The following SVIL variants were observed in gnomAD, a reference collection of about 807,000 sequenced individuals.
The protein encoded by SVIL is supervillin.
In SVIL, 101 loss-of-function variants were observed where a neutral mutation model predicts 240.4. That is an observed-to-expected ratio of 0.42 (90% confidence interval 0.36 to 0.50). The LOEUF is 0.50. Among genes scored for constraint, SVIL ranks in the 20% least tolerant of loss-of-function variants. The pLI is 0.01. For synonymous variants in SVIL, 999 were observed against 1,100.0 expected, an observed-to-expected ratio of 0.91 and a Z score of 1.82; for missense variants, 2,512 against 2,818.7, an observed-to-expected ratio of 0.89 and a Z score of 2.46.
chr10:29,542,886 C>T (rs1952292610), intron 6 of SVIL, among the ~76,000 whole-genome samples: 1 of 152,186 alleles, frequency 6.6e-6, no homozygotes, highest in South Asian at 2.1e-4. Context: ...TGTTTCTCCT[C>T]TTTTCCCTTC....
At chr10:29,616,110 T>C (rs538184167) in intron 1 of SVIL, among the ~76,000 whole-genome samples, 1 of 152,354 alleles carries the variant, frequency 6.6e-6, no homozygotes, top group South Asian at 2.1e-4. Context: ...AGAAATTGCA[T>C]TTCCTTTTTA....
chr10:29,514,798 G>C (rs1178357853), intron 16 of SVIL, among the ~76,000 whole-genome samples: 1 of 152,042 alleles, frequency 6.6e-6, no homozygotes, highest in African/African-American at 2.4e-5. Flanking sequence ...GATCTCTAAG[G>C]GTCCTTCTTC....
rs190210548 is a variant in SVIL at position 29,579,354 on chromosome 10, C to A, written c.-200-10042G>T. Among the ~76,000 whole-genome samples, 771 of 152,302 alleles carry A rather than the reference C, an allele frequency of 5.1e-3. 2 individuals carry two copies. The highest frequency in any genetic ancestry group is 0.018 in the African/African-American group (739 of 41,554). The stretch of plus-strand genomic sequence containing the variant: ...TCGGGAGGCTGAGACAGGAGAATGG[C>A]ATGAACCCCAGAGGTGGAGGTTGCA... On this transcript the variant is annotated intron_variant, in intron 1 of 37. Coordinates refer to ENST00000355867, the MANE Select transcript of SVIL (RefSeq NM_021738.3).
intron 2 of SVIL, among the ~76,000 whole-genome samples, chr10:29,677,205 G>T (rs941101745): frequency 2.0e-5 from 3 of 152,034 alleles, no homozygotes; most frequent in Non-Finnish European, 4.4e-5. Flanking sequence ...GACACCCTTT[G>T]CTGGGAACTC....
At chr10:29,584,316 A>G (rs1956071626) in intron 1 of SVIL, among the ~76,000 whole-genome samples, 1 of 152,194 alleles carries the variant, frequency 6.6e-6, no homozygotes, top group African/African-American at 2.4e-5. Flanking sequence ...TGGCAGCGGC[A>G]CCTGCATGGG....
chr10:29,562,769 G>GAAAAA (rs34507610), intron 3 of SVIL, among the ~76,000 whole-genome samples: 1 of 115,718 alleles, frequency 8.6e-6, no homozygotes, highest in Non-Finnish European at 1.7e-5. Flanking sequence ...TCAAAAAAAA[G>GAAAAA]AAAAAAAAAA....
intron 1 of SVIL, among the ~76,000 whole-genome samples, chr10:29,714,160 A>C (rs1337712566): frequency 6.6e-6 from 1 of 152,254 alleles, no homozygotes; most frequent in Non-Finnish European, 1.5e-5. Context: ...ACTGGAACCC[A>C]GGCAGCTTAG....
chr10:29,723,551 GAAT>G (rs754782729), intron 1 of SVIL, among the ~76,000 whole-genome samples: 10 of 151,948 alleles, frequency 6.6e-5, no homozygotes, highest in African/African-American at 9.7e-5. Flanking sequence ...ATGCTTCAGG[GAAT>G]AATAATAATT....
At chr10:29,576,342 G>C (rs945864388) in intron 1 of SVIL, among the ~76,000 whole-genome samples, 2 of 151,942 alleles carry the variant, frequency 1.3e-5, no homozygotes, top group African/African-American at 2.4e-5. Context: ...TGTTGACAAG[G>C]CTTGTGATTA....
intron 1 of SVIL, among the ~76,000 whole-genome samples, chr10:29,618,867 T>C (rs1262285715): frequency 1.3e-5 from 2 of 152,232 alleles, no homozygotes; most frequent in East Asian, 3.9e-4. Flanking sequence ...ACTACGGGCA[T>C]AGGCCACCGT....
chr10:29,533,004 T>A lies in SVIL; in HGVS notation c.1363A>T (p.Thr455Ser). 1 of 1,614,036 alleles carries A rather than the reference T, an allele frequency of 6.2e-7. No individual in the cohort carries two copies. Among genetic ancestry groups the A allele is most frequent in the Non-Finnish European group, 8.5e-7 (1 of 1,180,006 alleles). ...FTEALEQSKK[T>S]LLALEGDGLV... ...CCATCACCCTCCAAAGCCAGTAGGG[T>A]TTTCTTGCTTTGCTCGAGAGCTTCA... Residue 455 changes from threonine to serine, a missense_variant, in exon 8 of 38, where the codon ACC becomes TCC. Coordinates refer to ENST00000355867, the MANE Select transcript of SVIL (RefSeq NM_021738.3).
chr10:29,516,556 C>G (rs1950214944), intron 16 of SVIL, among the ~76,000 whole-genome samples: 1 of 152,214 alleles, frequency 6.6e-6, no homozygotes, highest in Admixed American at 6.5e-5. Flanking sequence ...GAGCCGACGT[C>G]TGGGCCTACG....
intron 36 of SVIL, among the ~76,000 whole-genome samples, chr10:29,461,176 T>C (rs989841252): frequency 6.6e-6 from 1 of 152,242 alleles, no homozygotes; most frequent in Non-Finnish European, 1.5e-5. Flanking sequence ...GGCTTTCTTC[T>C]GTGTAGTGAG....
chr10:29,518,129 T>C (rs1178024708), intron 16 of SVIL, among the ~76,000 whole-genome samples: 1 of 152,232 alleles, frequency 6.6e-6, no homozygotes, highest in Non-Finnish European at 1.5e-5. Flanking sequence ...TGATCACGTC[T>C]GCAATCCCAG....
At chr10:29,731,434 C>A (rs1319525629) in intron 1 of SVIL, among the ~76,000 whole-genome samples, 2 of 152,196 alleles carry the variant, frequency 1.3e-5, no homozygotes, top group East Asian at 1.9e-4. Flanking sequence ...ACAGAATGTT[C>A]TGAAAACACA....
chr10:29,676,739 TTTGAC>T (rs1960235454), intron 2 of SVIL, among the ~76,000 whole-genome samples: 2 of 152,332 alleles, frequency 1.3e-5, no homozygotes, highest in South Asian at 4.1e-4. Flanking sequence ...TTTTTCTGCT[TTTGAC>T]AACAGCCTTG....
chr10:29,499,133 C>G lies in SVIL; in HGVS notation c.3647G>C (p.Gly1216Ala). 6.2e-7 allele frequency: 1 copy of G among 1,605,554 alleles called. No homozygotes were observed. The highest frequency in any genetic ancestry group is 2.2e-5 in the East Asian group (1 of 44,868). ...ACACTGACCTTTCTTCACCATCCTGCCAGCCACAGTGAACTGGGTCGAGTC... is the reference window on the plus strand; with the variant it reads ...ACACTGACCTTTCTTCACCATCCTGGCAGCCACAGTGAACTGGGTCGAGTC... ...ANDSTQFTVA[G>A]RMVKKGLASP... The change falls in exon 18 of 38, where the codon GGC becomes GCC. Residue 1216 changes from glycine (G) to alanine (A), a missense_variant. Physicochemically the swap from Gly to Ala is moderately conservative, Grantham distance 60 (BLOSUM62 0). Coordinates refer to ENST00000355867, the MANE Select transcript of SVIL (RefSeq NM_021738.3).
intron 3 of SVIL, among the ~76,000 whole-genome samples, chr10:29,656,179 G>A (rs1050732062): frequency 3.5e-5 from 5 of 142,166 alleles, no homozygotes; most frequent in Non-Finnish European, 6.2e-5. Context: ...GAGTGTGAGT[G>A]TTTTTTTTTT....
chr10:29,487,427 A>T (rs1240001245), intron 23 of SVIL, 128 bp from the exon 24 acceptor site: 1 of 1,073,440 alleles, frequency 9.3e-7, no homozygotes, highest in Admixed American at 2.6e-5. Flanking sequence ...AAGAGTGCCC[A>T]TGGCCCAGGG....
Sources: allele counts gnomAD v4.1 joint callset (sites outside exome capture counted in the v4.1 genomes callset), GRCh38; gene constraint gnomAD v4.1.1; transcripts MANE v1.5; gene names NCBI Gene and HGNC (gene_info 2026-07-23, HGNC 2026-07-21).